Variants in PCDH9 observed in about 807,000 individuals in gnomAD.
The protein encoded by PCDH9 is protocadherin 9.
PCDH9 carries 24 observed loss-of-function variants against 70.6 expected under a neutral mutation model. The ratio of observed to expected loss-of-function variants is 0.34; its 90% CI spans 0.25 to 0.48. The LOEUF (loss-of-function observed/expected upper bound fraction) is 0.48. PCDH9 is among the 20% of genes least tolerant of loss of function. The probability of loss-of-function intolerance (pLI) is 0.99; values close to 1 mark genes in which losing one functional copy is unlikely to be tolerated. For synonymous variants in PCDH9, 562 were observed against 558.5 expected (o/e 1.01, Z -0.09); for missense variants, 1,281 against 1,503.6 (o/e 0.85, Z 2.45).
At chr13:66,883,198 C>T (rs1180147341) in intron 3 of PCDH9, among the ~76,000 whole-genome samples, 4 of 152,120 alleles carry the variant, frequency 2.6e-5, no homozygotes, top group African/African-American at 9.7e-5. Flanking sequence ...TGATCAAATG[C>T]TACCTACGAA....
At chr13:66,513,194 G>GT (rs34958236) in intron 4 of PCDH9, among the ~76,000 whole-genome samples, 76,343 of 136,468 alleles carry the variant, frequency 0.56, 21,793 homozygotes, top group Admixed American at 0.67. Flanking sequence ...AATAACACGT[G>GT]TTTTTTTTTT....
At position 66,779,748 on chromosome 13, in the gene PCDH9, G is replaced by A. The variant is rs190262318; in HGVS notation, c.3138+123756C>T. 6.1e-3 allele frequency among the ~76,000 whole-genome samples: 929 copies of A among 151,642 alleles called. 7 individuals are homozygous for A. Among genetic ancestry groups the A allele is most frequent in the Non-Finnish European group, 9.2e-3 (628 of 67,896 alleles). ...AGGCAGGAGAATCACTTGAACCTGG[G>A]AGGCGGTGGTTGCAGTGAGCTGAGA... On this transcript the variant is annotated intron_variant, in intron 3 of 4. Coordinates refer to ENST00000377865, the MANE Select transcript of PCDH9 (RefSeq NM_203487.3).
chr13:67,095,215 G>A (rs1244568710), intron 2 of PCDH9, among the ~76,000 whole-genome samples: 1 of 151,914 alleles, frequency 6.6e-6, no homozygotes, highest in East Asian at 1.9e-4. Flanking sequence ...AGCCAGCATG[G>A]GATACAGCTG....
intron 4 of PCDH9, among the ~76,000 whole-genome samples, chr13:66,394,034 C>G (rs1046791853): frequency 6.6e-6 from 1 of 152,168 alleles, no homozygotes; most frequent in Non-Finnish European, 1.5e-5. Flanking sequence ...GAGGAAAATA[C>G]TATTTCATTT....
chr13:66,708,163 C>A (rs923085934), intron 3 of PCDH9, among the ~76,000 whole-genome samples: 2 of 150,888 alleles, frequency 1.3e-5, no homozygotes, highest in African/African-American at 2.4e-5. Flanking sequence ...CATTCTCCTG[C>A]CTCAGCCTCC....
At chr13:66,638,503 C>T (rs9540845) in intron 3 of PCDH9, among the ~76,000 whole-genome samples, 10,276 of 152,216 alleles carry the variant, frequency 0.068, 405 homozygotes, top group Middle Eastern at 0.1. Context: ...AGAAAAGTAT[C>T]AAAGACTGCT....
chr13:67,088,275 T>C (rs1023421219), intron 2 of PCDH9, among the ~76,000 whole-genome samples: 4 of 151,976 alleles, frequency 2.6e-5, no homozygotes, highest in African/African-American at 4.8e-5. Flanking sequence ...GATTTAGTTT[T>C]ACCCAGCATC....
At chr13:66,909,065 T>A (rs556733916) in intron 2 of PCDH9, among the ~76,000 whole-genome samples, 1 of 152,230 alleles carries the variant, frequency 6.6e-6, no homozygotes, top group Admixed American at 6.5e-5. Flanking sequence ...TGTTTTTTTT[T>A]AATTGCTTTT....
chr13:66,316,040 C>T (rs1280963877), intron 4 of PCDH9, among the ~76,000 whole-genome samples: 1 of 152,118 alleles, frequency 6.6e-6, no homozygotes, highest in Non-Finnish European at 1.5e-5. Flanking sequence ...ATTTCCTTTC[C>T]TTTTATTCAG....
At chr13:67,044,380 G>A (rs2085182528) in intron 2 of PCDH9, among the ~76,000 whole-genome samples, 1 of 152,086 alleles carries the variant, frequency 6.6e-6, no homozygotes, top group African/African-American at 2.4e-5. Context: ...CATTTTGTAT[G>A]GTTATCAAAA....
intron 4 of PCDH9, among the ~76,000 whole-genome samples, chr13:66,392,309 T>A (rs1273585075): frequency 2.6e-5 from 4 of 152,048 alleles, no homozygotes; most frequent in African/African-American, 9.7e-5. Context: ...AAATATTAAG[T>A]AGTAATTAGA....
chr13:67,228,718 A>G, intron 1 of PCDH9, 143 bp from the exon 2 acceptor site: 1 of 325,768 alleles, frequency 3.1e-6, no homozygotes, highest in East Asian at 4.9e-5. Context: ...TCTGTGGAGA[A>G]AAACACTAAA....
intron 3 of PCDH9, among the ~76,000 whole-genome samples, chr13:66,830,013 G>T (rs1191621392): frequency 6.6e-6 from 1 of 151,604 alleles, no homozygotes; most frequent in Non-Finnish European, 1.5e-5. Flanking sequence ...ACAACAATTT[G>T]GTCTAGCCAA....
intron 3 of PCDH9, among the ~76,000 whole-genome samples, chr13:66,781,081 G>T (rs1378536766): frequency 6.6e-6 from 1 of 152,134 alleles, no homozygotes; most frequent in Non-Finnish European, 1.5e-5. Flanking sequence ...TTGTGTAGAA[G>T]TAAGTGGAAC....
chr13:66,511,156 C>G (rs1288001423), intron 4 of PCDH9, among the ~76,000 whole-genome samples: 3 of 151,904 alleles, frequency 2.0e-5, no homozygotes, highest in Non-Finnish European at 4.4e-5. Flanking sequence ...CATTAAAAAC[C>G]CTGAAGTAGT....
intron 4 of PCDH9, among the ~76,000 whole-genome samples, chr13:66,491,875 A>G (rs567193457): frequency 1.3e-5 from 2 of 152,228 alleles, no homozygotes; most frequent in African/African-American, 4.8e-5. Context: ...GGTTAAGCTG[A>G]TTCCACATCG....
chr13:66,658,985 A>T (rs528610008), intron 3 of PCDH9, among the ~76,000 whole-genome samples: 1 of 152,290 alleles, frequency 6.6e-6, no homozygotes, highest in Non-Finnish European at 1.5e-5. Flanking sequence ...CCTCCAAGTC[A>T]TATTTTGTAA....
chr13:66,639,192 T>C (rs1282122668), intron 3 of PCDH9, among the ~76,000 whole-genome samples: 1 of 152,210 alleles, frequency 6.6e-6, no homozygotes, highest in East Asian at 1.9e-4. Context: ...AGTTTGCTGT[T>C]TGCCGCTAAG....
chr13:66,863,036 T>G (rs2081509713), intron 3 of PCDH9, among the ~76,000 whole-genome samples: 1 of 152,202 alleles, frequency 6.6e-6, no homozygotes. Context: ...AAGTCACATT[T>G]TCAAGTACAT....
Sources: gnomAD v4.1 joint callset for allele counts (sites outside exome capture counted in the v4.1 genomes callset) on GRCh38, gnomAD v4.1.1 for gene constraint, MANE v1.5 for transcripts, NCBI Gene and HGNC (gene_info 2026-07-23, HGNC 2026-07-21) for gene names.